Variants in CFAP206 observed in about 807,000 individuals in gnomAD.
The protein encoded by CFAP206 is cilia- and flagella-associated protein 206.
A neutral mutation model predicts 65.4 loss-of-function variants in CFAP206; 53 were observed. The ratio of observed to expected loss-of-function variants is 0.81; its 90% CI spans 0.65 to 1.02. The LOEUF (loss-of-function observed/expected upper bound fraction) is 1.02, where lower values mean the gene tolerates loss of function less well. CFAP206 is among the 50% of genes least tolerant of loss of function. The pLI is 0.00. For missense variants in CFAP206, 663 were observed against 753.2 expected (o/e 0.88, Z 1.40); for synonymous variants, 250 against 254.4 (o/e 0.98, Z 0.17).
chr6:87,450,190 C>T (rs893855456), intron 11 of CFAP206, among the ~76,000 whole-genome samples: 3 of 152,132 alleles, frequency 2.0e-5, no homozygotes, highest in South Asian at 2.1e-4. Flanking sequence ...TGTTTTTATG[C>T]GAATACCATG....
At chr6:87,418,489 A>T in intron 7 of CFAP206, 73 bp downstream of exon 7, 1 of 1,289,662 alleles carries the variant, frequency 7.8e-7, no homozygotes, top group Non-Finnish European at 1.1e-6. Context: ...ATCAGGTAGA[A>T]CCAGGTCACT....
intron 3 of CFAP206, among the ~76,000 whole-genome samples, chr6:87,412,909 C>T (rs1161448470): frequency 1.3e-5 from 2 of 152,182 alleles, no homozygotes; most frequent in Non-Finnish European, 2.9e-5. Flanking sequence ...ATCTGCCCAC[C>T]TCTGCCTCCC....
chr6:87,413,660 C>T, intron 3 of CFAP206, 150 bp from the exon 4 acceptor site: 1 of 556,112 alleles, frequency 1.8e-6, no homozygotes. Context: ...AGCCTGAAGT[C>T]CTCAAGGAGA....
intron 11 of CFAP206, among the ~76,000 whole-genome samples, chr6:87,442,493 C>T (rs1327074633): frequency 3.3e-5 from 5 of 152,086 alleles, no homozygotes; most frequent in African/African-American, 9.7e-5. Context: ...TTACTTTTAT[C>T]TTACTACATT....
chr6:87,423,502 G>A (rs749941682), intron 7 of CFAP206, among the ~76,000 whole-genome samples: 7 of 152,048 alleles, frequency 4.6e-5, no homozygotes, highest in Non-Finnish European at 2.9e-5. Flanking sequence ...ACCCGCCTCC[G>A]CCTCCCAAAG....
At position 87,418,196 on chromosome 6, in the gene CFAP206, T is replaced by C. The variant is rs374172254; in HGVS notation, c.632-12T>C. On this transcript the variant is annotated splice_polypyrimidine_tract_variant and intron_variant, in intron 6 of 12. Coordinates refer to ENST00000369562, the MANE Select transcript of CFAP206 (RefSeq NM_001031743.3). Reference sequence around the variant, plus strand: ...CTCCTTTATGGCTGCCTTTTCATACTCTTACAAACAGTGCCAGCTGTTCTC... The same window carrying C: ...CTCCTTTATGGCTGCCTTTTCATACCCTTACAAACAGTGCCAGCTGTTCTC... 1 of 1,613,610 alleles carries C rather than the reference T, an allele frequency of 6.2e-7. No homozygotes were observed. Among genetic ancestry groups the C allele is most frequent in the African/African-American group, 1.3e-5 (1 of 74,908 alleles).
intron 11 of CFAP206, among the ~76,000 whole-genome samples, chr6:87,436,395 ATTT>A (rs1768268847): frequency 6.6e-6 from 1 of 151,876 alleles, no homozygotes; most frequent in South Asian, 2.1e-4. Context: ...CTTGTTTGCT[ATTT>A]TTATCAACAT....
chr6:87,414,778 T>G (rs1444798802), intron 4 of CFAP206, among the ~76,000 whole-genome samples: 1 of 152,242 alleles, frequency 6.6e-6, no homozygotes, highest in East Asian at 1.9e-4. Context: ...GTGATGTTTC[T>G]CTTTGTTAGT....
chr6:87,410,978 C>T (rs1440377076), intron 3 of CFAP206, among the ~76,000 whole-genome samples: 1 of 152,156 alleles, frequency 6.6e-6, no homozygotes, highest in Non-Finnish European at 1.5e-5. Flanking sequence ...ACCTTCTATC[C>T]AGAAAATAAT....
intron 11 of CFAP206, chr6:87,441,793 A>G: frequency 7.9e-6 from 2 of 251,796 alleles, no homozygotes; most frequent in Non-Finnish European, 1.6e-5. Flanking sequence ...ACTTGGTGAG[A>G]AGGCTTCATG....
chr6:87,464,006 C>T lies in CFAP206; in HGVS notation c.1639-14C>T. ...TTAGAGAAATGTTAATTCCTGTATT[C>T]TCTTTCTCTTTAGGCTAATTTGCGC... On this transcript the variant is annotated splice_polypyrimidine_tract_variant and intron_variant, in intron 12 of 12. Transcript: ENST00000369562. 6.3e-7 allele frequency: 1 copy of T among 1,587,640 alleles called. No individual in the cohort carries two copies. The highest frequency in any genetic ancestry group is 8.6e-7 in the Non-Finnish European group (1 of 1,158,526).
At chr6:87,425,243 A>C (rs1768018857) in intron 7 of CFAP206, among the ~76,000 whole-genome samples, 1 of 152,200 alleles carries the variant, frequency 6.6e-6, no homozygotes, top group South Asian at 2.1e-4. Flanking sequence ...ATATTAAGAC[A>C]AATTTTCTTT....
At chr6:87,435,886 A>C (rs1028276303) in intron 11 of CFAP206, 9 of 151,778 alleles carry the variant, frequency 5.9e-5, no homozygotes, top group African/African-American at 2.2e-4. Flanking sequence ...GGCTGGTCTC[A>C]AACTTGTGGC....
At chr6:87,437,744 C>G (rs922066855) in intron 11 of CFAP206, among the ~76,000 whole-genome samples, 2 of 151,658 alleles carry the variant, frequency 1.3e-5, no homozygotes, top group Non-Finnish European at 1.5e-5. Context: ...CAGTGTTGAC[C>G]TCCTGGGTTG....
At chr6:87,433,619 A>G (rs1768197702) in intron 10 of CFAP206, among the ~76,000 whole-genome samples, 1 of 152,334 alleles carries the variant, frequency 6.6e-6, no homozygotes, top group Non-Finnish European at 1.5e-5. Flanking sequence ...GTGGCTTTTC[A>G]TAAAAGATTT....
In CFAP206 at chr6:87,428,739, A is replaced by G. The variant is rs978453075; in HGVS notation, c.1074A>G (p.Glu358=). 5 of 1,614,146 alleles carry G rather than the reference A, an allele frequency of 3.1e-6. No individual in the cohort carries two copies. The highest frequency in any genetic ancestry group is 2.7e-5 in the African/African-American group (2 of 75,042). The change falls in exon 9 of 13, where the codon GAA becomes GAG. Residue 358 remains glutamate (E), a synonymous_variant. Coordinates refer to ENST00000369562, the MANE Select transcript of CFAP206 (RefSeq NM_001031743.3). ...THIQPFLGAH[E]LYFPERVMQC... The stretch of plus-strand genomic sequence containing the variant: ...TTCAGCCATTCTTGGGTGCTCACGA[A>G]CTATACTTTCCTGAGAGAGTGATGC...
chr6:87,415,973 CT>C, intron 5 of CFAP206, 99 bp downstream of exon 5: 1 of 876,754 alleles, frequency 1.1e-6, no homozygotes, highest in Non-Finnish European at 1.6e-6. Flanking sequence ...TTGAAGTTCC[CT>C]TTTTATCTGA....
In CFAP206 at chr6:87,416,834, A is replaced by T; in HGVS notation, c.631+7A>T. The T allele has an allele frequency of 6.2e-7, 1 of 1,609,908 alleles. No individual in the cohort carries two copies. Among genetic ancestry groups the T allele is most frequent in the Non-Finnish European group, 8.5e-7 (1 of 1,177,158 alleles). On this transcript the variant is annotated splice_region_variant and intron_variant, in intron 6 of 12. Coordinates refer to ENST00000369562, the MANE Select transcript of CFAP206 (RefSeq NM_001031743.3). ...GGAGAAGGCATTGATGATTGTAGGT[A>T]TATCATTAGATTAATTCTAAAGGTT...
At chr6:87,408,774 C>T (rs1054290386) in intron 1 of CFAP206, 3 of 152,256 alleles carry the variant, frequency 2.0e-5, no homozygotes, top group Non-Finnish European at 4.4e-5. Context: ...AAGCAAGTGC[C>T]CAAGGTCTCA....
Sources: gnomAD v4.1 joint callset for allele counts (sites outside exome capture counted in the v4.1 genomes callset) on GRCh38, gnomAD v4.1.1 for gene constraint, MANE v1.5 for transcripts, NCBI Gene and HGNC (gene_info 2026-07-23, HGNC 2026-07-21) for gene names.